The following ZNF791 variants were observed in gnomAD, a reference collection of about 807,000 sequenced individuals.
The protein encoded by ZNF791 is zinc finger protein 791.
ZNF791 carries 4 observed loss-of-function variants against 11.5 expected under a neutral mutation model. The ratio of observed to expected loss-of-function variants is 0.35; its 90% confidence interval spans 0.17 to 0.80. ZNF791 has a LOEUF of 0.80. Among genes scored for constraint, ZNF791 ranks in the 30% least tolerant of loss-of-function variants. ZNF791 has a pLI of 0.53. For missense variants in ZNF791, 559 were observed against 699.4 expected (o/e 0.80, Z 2.26); for synonymous variants, 212 against 228.1 (o/e 0.93, Z 0.64).
At position 12,628,465 on chromosome 19, in the gene ZNF791, C is replaced by T. The variant is rs776223738; in HGVS notation, c.936C>T (p.Ser312=). 5 of 1,609,664 alleles carry T rather than the reference C, an allele frequency of 3.1e-6. No homozygotes were observed. Among genetic ancestry groups the T allele is most frequent in the African/African-American group, 1.3e-5 (1 of 74,152 alleles). ...AATGTGGTAAAGCCTTCAGATGTTC[C>T]ACCTCCATTCAAATTCATGAAAGAA... ...CKQCGKAFRC[S]TSIQIHERIH... Residue 312 remains serine (S), a synonymous_variant, in exon 4 of 4, where the codon TCC becomes TCT. Transcript: ENST00000343325.
At chr19:12,625,502 G>C (rs2145192878) in intron 3 of ZNF791, among the ~76,000 whole-genome samples, 1 of 151,774 alleles carries the variant, frequency 6.6e-6, no homozygotes, top group South Asian at 2.1e-4. Flanking sequence ...TATTATACTT[G>C]GGCCGGGCAC....
intron 1 of ZNF791, among the ~76,000 whole-genome samples, chr19:12,621,849 G>GA (rs2023354414): frequency 7.3e-6 from 1 of 137,562 alleles, no homozygotes; most frequent in African/African-American, 2.7e-5. Context: ...CCCCGTCTGG[G>GA]AGGTGTGCCT....
At chr19:12,611,452 C>T (rs1180591371) in intron 1 of ZNF791, among the ~76,000 whole-genome samples, 1 of 152,164 alleles carries the variant, frequency 6.6e-6, no homozygotes, top group Non-Finnish European at 1.5e-5. Context: ...ATCCACTACC[C>T]TGTCCCCCCA....
intron 1 of ZNF791, among the ~76,000 whole-genome samples, chr19:12,614,099 G>A (rs1016965206): frequency 6.6e-6 from 1 of 152,132 alleles, no homozygotes; most frequent in South Asian, 2.1e-4. Flanking sequence ...TTGGGAAAAC[G>A]GAAACCTAGG....
chr19:12,614,907 T>TTTTTTTTTTTG (rs1161599303), intron 1 of ZNF791, among the ~76,000 whole-genome samples: 1 of 132,470 alleles, frequency 7.5e-6, no homozygotes, highest in African/African-American at 3.2e-5. Flanking sequence ...TTTTTTTTTT[T>TTTTTTTTTTTG]TTTTTTTTTT....
In ZNF791 at chr19:12,624,897, A is replaced by C. The variant is rs139622887; in HGVS notation, c.191+187A>C. 3.8e-3 allele frequency among the ~76,000 whole-genome samples: 578 copies of C among 152,032 alleles called. 1 individual carries two copies. The highest frequency in any genetic ancestry group is 0.013 in the African/African-American group (530 of 41,524). ...ACCCCGTCTCTACTAAAAATACAAA[A>C]AAAGTTAGCCAGTTGTGGTGGTGGG... On this transcript the variant is annotated intron_variant, in intron 3 of 3. Transcript: ENST00000343325.
At chr19:12,627,484 G>T (rs1648170474) in intron 3 of ZNF791, among the ~76,000 whole-genome samples, 1 of 152,076 alleles carries the variant, frequency 6.6e-6, no homozygotes, top group Non-Finnish European at 1.5e-5. Context: ...AAATTAGCTG[G>T]GCGTGGTGGC....
intron 2 of ZNF791, among the ~76,000 whole-genome samples, 191 bp from the exon 3 acceptor site, chr19:12,624,459 A>G (rs1038399710): frequency 6.6e-6 from 1 of 151,794 alleles, no homozygotes; most frequent in Non-Finnish European, 1.5e-5. Context: ...CAGTGACATC[A>G]TTTTTTCATA....
At chr19:12,613,971 T>G (rs1310107183) in intron 1 of ZNF791, among the ~76,000 whole-genome samples, 1 of 152,184 alleles carries the variant, frequency 6.6e-6, no homozygotes. Context: ...GTGTAATTGG[T>G]GCATATTGAC....
chr19:12,618,542 C>T lies in ZNF791; in HGVS notation c.4-5158C>T, dbSNP rs942584132. ...AATAAAGGCCGAGTGTGGTGGCTCG[C>T]GCCTGAGGCTAGGAGTTCAAGACCA... On this transcript the variant is annotated intron_variant, in intron 1 of 3. Coordinates refer to ENST00000343325, the MANE Select transcript of ZNF791 (RefSeq NM_153358.3). 1.1e-4 allele frequency among the ~76,000 whole-genome samples: 17 copies of T among 151,710 alleles called. No homozygotes were observed. In the East Asian group the frequency reaches 1.8e-3, roughly 16 times the overall value.
intron 1 of ZNF791, among the ~76,000 whole-genome samples, chr19:12,620,065 A>T (rs2023315100): frequency 6.6e-6 from 1 of 151,844 alleles, no homozygotes; most frequent in African/African-American, 2.4e-5. Context: ...CTGGGACTAC[A>T]GGCGCCCGCC....
chr19:12,614,276 C>T (rs1413441714), intron 1 of ZNF791, among the ~76,000 whole-genome samples: 1 of 152,142 alleles, frequency 6.6e-6, no homozygotes, highest in Non-Finnish European at 1.5e-5. Flanking sequence ...CTCTGTTGCC[C>T]AGGCTGGAGT....
chr19:12,617,598 G>T (rs2023264094), intron 1 of ZNF791, among the ~76,000 whole-genome samples: 1 of 152,122 alleles, frequency 6.6e-6, no homozygotes, highest in South Asian at 2.1e-4. Flanking sequence ...TTGTTAAGGT[G>T]TGTTTTTGTC....
chr19:12,615,412 A>T (rs1417255150), intron 1 of ZNF791, among the ~76,000 whole-genome samples: 1 of 152,084 alleles, frequency 6.6e-6, no homozygotes, highest in Non-Finnish European at 1.5e-5. Context: ...TCACTGAGCA[A>T]TGTACTTTTA....
chr19:12,619,899 C>CTTTA lies in ZNF791; in HGVS notation c.4-3785_4-3782dup, dbSNP rs33966943. On this transcript the variant is annotated intron_variant, in intron 1 of 3. Coordinates refer to ENST00000343325, the MANE Select transcript of ZNF791 (RefSeq NM_153358.3). ...TTTAGTAAAAGGCTATATATGAAAT[C>CTTTA]TTTATTTATTTATTTATTTTTATTT... is the stretch of plus-strand genomic sequence containing the variant. Among the ~76,000 whole-genome samples the CTTTA allele has an allele frequency of 4.0e-5, 6 of 148,634 alleles. No homozygotes were observed. In the East Asian group the frequency reaches 7.9e-4, roughly 20 times the overall value.
Position 12,618,779 on chromosome 19 carries a change from A to G in ZNF791, c.4-4921A>G, listed in dbSNP as rs189750216. Among the ~76,000 whole-genome samples the G allele has an allele frequency of 2.0e-3, 303 of 151,096 alleles. 3 individuals are homozygous for G. Among genetic ancestry groups the G allele is most frequent in the Non-Finnish European group, 1.3e-3 (85 of 67,824 alleles). On this transcript the variant is annotated intron_variant, in intron 1 of 3. Transcript: ENST00000343325. ...ACTCCACCTCAAAATAAATAAATAAATAATTTTGTGGTGATTTGTTTACCT... is the reference window on the plus strand; with the variant it reads ...ACTCCACCTCAAAATAAATAAATAAGTAATTTTGTGGTGATTTGTTTACCT...
intron 1 of ZNF791, among the ~76,000 whole-genome samples, chr19:12,614,012 C>T (rs1368308186): frequency 6.6e-6 from 1 of 152,058 alleles, no homozygotes; most frequent in Non-Finnish European, 1.5e-5. Flanking sequence ...CTTATGTTTC[C>T]TAGAGACAGG....
intron 1 of ZNF791, among the ~76,000 whole-genome samples, chr19:12,611,567 C>T (rs1811305472): frequency 6.6e-6 from 1 of 152,184 alleles, no homozygotes; most frequent in African/African-American, 2.4e-5. Context: ...TCGTCACCAA[C>T]TCTTTGTCCT....
rs964905323 is a variant in ZNF791 at position 12,630,589 on chromosome 19, G to A, written c.*1329G>A. 13 of 152,158 alleles carry A rather than the reference G, an allele frequency of 8.5e-5. No individual in the cohort carries two copies. The highest frequency in any genetic ancestry group is 7.9e-4 in the Admixed American group (12 of 15,256). 9.4% of individuals were successfully genotyped at this position (152,158 alleles called of 1,614,324 possible). A position where few individuals can be genotyped will look rare whatever the true frequency, so the allele number is the denominator to read the frequency against. ...TTTAACAGTAAGACAGTCTCAGGCA[G>A]GTCCTTAAGGAGATATTCCCGGAAA... is the stretch of plus-strand genomic sequence containing the variant. On this transcript the variant is annotated 3_prime_UTR_variant, in exon 4 of 4. Coordinates refer to ENST00000343325, the MANE Select transcript of ZNF791 (RefSeq NM_153358.3).
Sources: gnomAD v4.1 joint callset for allele counts (sites outside exome capture counted in the v4.1 genomes callset) on GRCh38, gnomAD v4.1.1 for gene constraint, MANE v1.5 for transcripts, NCBI Gene and HGNC (gene_info 2026-07-23, HGNC 2026-07-21) for gene names.